The following TRAF3 variants were observed in gnomAD, a reference collection of about 807,000 sequenced individuals.
TRAF3 encodes TNF receptor-associated factor 3.
In TRAF3, 13 loss-of-function variants were observed where a neutral mutation model predicts 62.3. The observed-to-expected ratio is 0.21, with a 90% confidence interval of 0.14 to 0.33. The LOEUF (loss-of-function observed/expected upper bound fraction) is 0.33, where lower values mean the gene tolerates loss of function less well. Among genes scored for constraint, TRAF3 ranks in the 10% least tolerant of loss-of-function variants. The pLI, the probability that TRAF3 is intolerant of heterozygous loss-of-function variation, is 1.00. For missense variants in TRAF3, 440 were observed against 741.8 expected (o/e 0.59, Z 4.73); for synonymous variants, 269 against 283.4 (o/e 0.95, Z 0.51).
chr14:102,861,107 A>G (rs1887652355), intron 2 of TRAF3, among the ~76,000 whole-genome samples: 1 of 152,232 alleles, frequency 6.6e-6, no homozygotes, highest in Non-Finnish European at 1.5e-5. Context: ...TGCAGCTGAC[A>G]CTGAATCAGA....
chr14:102,907,580 A>G lies in TRAF3; in HGVS notation c.*1796A>G, dbSNP rs1890646872. 6.6e-6 allele frequency: 1 copy of G among 152,134 alleles called. No homozygotes were observed. The allele number at this position is 152,134 out of a possible 1,614,324, so 9.4% of individuals were successfully genotyped here. On this transcript the variant is annotated 3_prime_UTR_variant, in exon 12 of 12. Transcript: ENST00000392745. ...CACTCGCCCACAAGCCGCGCCCACA[A>G]TTGGCCAGCTGGGCCGTGCACGTCA...
At chr14:102,899,485 C>T (rs143776681) in intron 10 of TRAF3, among the ~76,000 whole-genome samples, 113 of 152,308 alleles carry the variant, frequency 7.4e-4, no homozygotes, top group African/African-American at 2.6e-3. Context: ...GCCTGGCCAC[C>T]GGTCACCTTC....
intron 6 of TRAF3, among the ~76,000 whole-genome samples, chr14:102,882,286 A>G (rs1889113138): frequency 6.6e-6 from 1 of 152,228 alleles, no homozygotes; most frequent in Non-Finnish European, 1.5e-5. Flanking sequence ...TTCCTTATAA[A>G]TTGCACTTCA....
chr14:102,790,365 G>A (rs115525368), intron 1 of TRAF3, among the ~76,000 whole-genome samples: 50 of 152,266 alleles, frequency 3.3e-4, no homozygotes, highest in African/African-American at 1.2e-3. Flanking sequence ...GTTCTATTCT[G>A]TTGCTCTGTA....
intron 1 of TRAF3, among the ~76,000 whole-genome samples, chr14:102,817,075 A>G (rs1899582199): frequency 6.6e-6 from 1 of 152,208 alleles, no homozygotes; most frequent in African/African-American, 2.4e-5. Context: ...TCAGAGAGGA[A>G]CGGGTACCAA....
chr14:102,809,592 G>A (rs1481690643), intron 1 of TRAF3, among the ~76,000 whole-genome samples: 2 of 149,702 alleles, frequency 1.3e-5, no homozygotes, highest in Admixed American at 1.3e-4. Flanking sequence ...GAGTTCAGGG[G>A]CGCAATCTCG....
intron 2 of TRAF3, among the ~76,000 whole-genome samples, chr14:102,833,284 C>T (rs1268584604): frequency 6.6e-6 from 1 of 152,086 alleles, no homozygotes; most frequent in Non-Finnish European, 1.5e-5. Flanking sequence ...GATGATCTAC[C>T]CTTTCCTTAT....
At chr14:102,851,795 C>T (rs900581494) in intron 2 of TRAF3, among the ~76,000 whole-genome samples, 8 of 151,924 alleles carry the variant, frequency 5.3e-5, no homozygotes, top group Non-Finnish European at 1.0e-4. Flanking sequence ...GTGTAAGAGG[C>T]TGAGGCAGGA....
intron 1 of TRAF3, among the ~76,000 whole-genome samples, chr14:102,804,428 A>T (rs1249945696): frequency 6.6e-6 from 1 of 152,198 alleles, no homozygotes; most frequent in Non-Finnish European, 1.5e-5. Context: ...AACAGAGGAC[A>T]GTGGATGTGT....
Position 102,842,393 on chromosome 14 carries a change from G to T in TRAF3, c.-18+11921G>T, listed in dbSNP as rs1042780788. Among the ~76,000 whole-genome samples, 40 of 151,338 alleles carry T rather than the reference G, an allele frequency of 2.6e-4. 1 individual carries two copies. The highest frequency in any genetic ancestry group is 2.0e-3 in the Admixed American group (30 of 15,176). On this transcript the variant is annotated intron_variant, in intron 2 of 11. Transcript: ENST00000392745. ...ATCACAACAGGTTATTACGACAGAA[G>T]AAAAGAGTTCATGAGCCTGAAGACG...
chr14:102,832,087 T>G (rs1900724830), intron 2 of TRAF3, among the ~76,000 whole-genome samples: 1 of 152,154 alleles, frequency 6.6e-6, no homozygotes, highest in African/African-American at 2.4e-5. Context: ...TTTCCTTAAA[T>G]TTATTTTTCT....
At chr14:102,802,556 C>T (rs918601985) in intron 1 of TRAF3, among the ~76,000 whole-genome samples, 8 of 148,734 alleles carry the variant, frequency 5.4e-5, no homozygotes, top group African/African-American at 9.8e-5. Flanking sequence ...AGGCTGGGCG[C>T]GGTGGCTCAC....
intron 1 of TRAF3, among the ~76,000 whole-genome samples, chr14:102,804,186 T>G (rs986341853): frequency 1.4e-5 from 2 of 144,850 alleles, no homozygotes; most frequent in South Asian, 4.4e-4. Context: ...TGAGACTGTT[T>G]AAAAAAAAAA....
In TRAF3 at chr14:102,811,912, C is replaced by CGTTTTTTTT. The variant is rs1899193346; in HGVS notation, c.-156-18422_-156-18421insGTTTTTTTT. Reference sequence around the variant, plus strand: ...GTAGGCTTGTGCCACCATGCCTGGCCCTTTTTTTTTTTTTTTTTTTTTTTT... The same window carrying CGTTTTTTTT: ...GTAGGCTTGTGCCACCATGCCTGGCCGTTTTTTTTCTTTTTTTTTTTTTTTTTTTTTTTT... On this transcript the variant is annotated intron_variant, in intron 1 of 11. Transcript: ENST00000392745. Among the ~76,000 whole-genome samples the CGTTTTTTTT allele has an allele frequency of 9.2e-5, 3 of 32,668 alleles. No homozygotes were observed. In the East Asian group the frequency reaches 8.1e-3, roughly 88 times the overall value. 21.4% of individuals were successfully genotyped at this position (32,668 alleles called of 152,430 possible). A position where few individuals can be genotyped will look rare whatever the true frequency, so the allele number is the denominator to read the frequency against.
At chr14:102,877,875 C>G (rs1452102522) in intron 6 of TRAF3, among the ~76,000 whole-genome samples, 1 of 151,870 alleles carries the variant, frequency 6.6e-6, no homozygotes, top group East Asian at 1.9e-4. Flanking sequence ...ACAGGCCTTC[C>G]GCTGAGTTCA....
chr14:102,863,226 GGC>G (rs1338804208), intron 2 of TRAF3, among the ~76,000 whole-genome samples: 1 of 152,054 alleles, frequency 6.6e-6, no homozygotes, highest in Non-Finnish European at 1.5e-5. Context: ...TTTTTACCGT[GGC>G]AACTCTGGAA....
At chr14:102,820,928 C>G (rs1284483072) in intron 1 of TRAF3, among the ~76,000 whole-genome samples, 2 of 151,984 alleles carry the variant, frequency 1.3e-5, no homozygotes, top group Non-Finnish European at 2.9e-5. Flanking sequence ...AACCACCACA[C>G]CCTCCTGGTA....
chr14:102,808,064 C>T (rs532682062), intron 1 of TRAF3, among the ~76,000 whole-genome samples: 2 of 152,178 alleles, frequency 1.3e-5, no homozygotes, highest in South Asian at 4.2e-4. Context: ...ATGCATGGTC[C>T]AGGTGTTTAT....
Position 102,870,447 on chromosome 14 carries a change from G to GT in TRAF3, c.245+2dup, listed in dbSNP as rs1888271297. 1 of 1,613,154 alleles carries GT rather than the reference G, an allele frequency of 6.2e-7. No homozygotes were observed. The highest frequency in any genetic ancestry group is 8.5e-7 in the Non-Finnish European group (1 of 1,179,850). Reference sequence around the variant, plus strand: ...AGAGCTGCATGGCGGCCCTGCTGAGGTAGGCGCCCTCGCCCGGCCCGTCGC... The same window carrying GT: ...AGAGCTGCATGGCGGCCCTGCTGAGGTTAGGCGCCCTCGCCCGGCCCGTCGC... On this transcript the variant is annotated splice_donor_variant, in intron 3 of 11. Transcript: ENST00000392745. LOFTEE classifies it high-confidence loss of function.
Sources: allele counts gnomAD v4.1 joint callset (sites outside exome capture counted in the v4.1 genomes callset), GRCh38; gene constraint gnomAD v4.1.1; transcripts MANE v1.5; gene names NCBI Gene and HGNC (gene_info 2026-07-23, HGNC 2026-07-21).